The following TENM3 variants were observed in gnomAD, a reference collection of about 807,000 sequenced individuals.
TENM3 encodes teneurin-3.
In TENM3, 63 loss-of-function variants were observed where a neutral mutation model predicts 255.1. The ratio of observed to expected loss-of-function variants is 0.25; its 90% CI spans 0.20 to 0.30. TENM3 has a LOEUF of 0.30. TENM3 is among the 10% of genes least tolerant of loss of function. TENM3 has a pLI of 1.00. For missense variants in TENM3, 2,929 were observed against 3,461.1 expected (o/e 0.85, Z 3.86); for synonymous variants, 1,306 against 1,322.3 (o/e 0.99, Z 0.27).
chr4:181,972,243 A>T, the TENM3 span, among the ~76,000 whole-genome samples: 1 of 151,812 alleles, frequency 6.6e-6, no homozygotes, highest in Non-Finnish European at 1.5e-5. Flanking sequence ...GCAGCAAGAT[A>T]AAGCCCCGTC....
At chr4:182,165,926 G>C (rs1054896467) in intron 1 of TENM3, among the ~76,000 whole-genome samples, 42 of 152,214 alleles carry the variant, frequency 2.8e-4, no homozygotes, top group Non-Finnish European at 4.6e-4. Flanking sequence ...TTACAGGCGT[G>C]TGCCACCACG....
chr4:181,712,707 T>C, the TENM3 span, among the ~76,000 whole-genome samples: 1 of 152,218 alleles, frequency 6.6e-6, no homozygotes, highest in African/African-American at 2.4e-5. Flanking sequence ...CAGTTTATTA[T>C]ACCAATGTAT....
the TENM3 span, among the ~76,000 whole-genome samples, chr4:182,003,595 C>T: frequency 6.6e-6 from 1 of 151,960 alleles, no homozygotes. Context: ...ACATGCAAAA[C>T]GGACATGATA....
At chr4:182,138,028 G>A in the TENM3 span, among the ~76,000 whole-genome samples, 2 of 152,162 alleles carry the variant, frequency 1.3e-5, no homozygotes, top group African/African-American at 4.8e-5. Flanking sequence ...TTTTAGCCTA[G>A]CTGAGCTTGC....
At chr4:182,094,044 C>G in the TENM3 span, among the ~76,000 whole-genome samples, 2 of 151,996 alleles carry the variant, frequency 1.3e-5, no homozygotes, top group African/African-American at 4.8e-5. Context: ...GCCCTGGGCC[C>G]CACAGAGCAC....
chr4:182,018,597 T>G, the TENM3 span, among the ~76,000 whole-genome samples: 1 of 152,156 alleles, frequency 6.6e-6, no homozygotes, highest in Non-Finnish European at 1.5e-5. Flanking sequence ...TTATCTAGCT[T>G]AGATTAAATC....
At chr4:182,452,379 A>C (rs1332535738) in intron 3 of TENM3, among the ~76,000 whole-genome samples, 2 of 152,104 alleles carry the variant, frequency 1.3e-5, no homozygotes, top group African/African-American at 4.8e-5. Context: ...CTTCTGGGTT[A>C]GACCAGAACT....
chr4:182,402,270 G>A lies in TENM3; in HGVS notation c.511+55341G>A, dbSNP rs74816333. 9.3e-3 allele frequency among the ~76,000 whole-genome samples: 1,412 copies of A among 152,170 alleles called. 27 individuals carry two copies. The highest frequency in any genetic ancestry group is 0.032 in the African/African-American group (1,343 of 41,506). ...AAATATTTTATTCAAAACTATACGCGGAAAGACCTTTATGTTAATTATTTC... is the reference window on the plus strand; with the variant it reads ...AAATATTTTATTCAAAACTATACGCAGAAAGACCTTTATGTTAATTATTTC... On this transcript the variant is annotated intron_variant, in intron 3 of 27. Coordinates refer to ENST00000511685, the MANE Select transcript of TENM3 (RefSeq NM_001080477.4).
chr4:181,799,022 C>T, the TENM3 span, among the ~76,000 whole-genome samples: 2 of 152,124 alleles, frequency 1.3e-5, no homozygotes, highest in Non-Finnish European at 2.9e-5. Context: ...TGTAGACGGC[C>T]GCTTATGCAC....
chr4:181,695,151 CAA>C, the TENM3 span, among the ~76,000 whole-genome samples: 1 of 152,112 alleles, frequency 6.6e-6, no homozygotes, highest in Non-Finnish European at 1.5e-5. Flanking sequence ...ATTTGCCTAA[CAA>C]ATAATTTTGC....
the TENM3 span, among the ~76,000 whole-genome samples, chr4:181,613,231 T>C: frequency 6.6e-6 from 1 of 152,182 alleles, no homozygotes; most frequent in Non-Finnish European, 1.5e-5. Context: ...AGGGGAGACA[T>C]CTCCTTCTCC....
intron 12 of TENM3, among the ~76,000 whole-genome samples, chr4:182,709,117 G>A (rs1561140438): frequency 1.3e-5 from 2 of 151,642 alleles, no homozygotes; most frequent in African/African-American, 2.4e-5. Context: ...CAAGTAGCTG[G>A]GACTACAGGC....
intron 6 of TENM3, among the ~76,000 whole-genome samples, chr4:182,671,173 C>T (rs191031084): frequency 5.3e-5 from 8 of 152,274 alleles, no homozygotes; most frequent in Admixed American, 3.9e-4. Context: ...TGCACCAAAC[C>T]TCATGGAATC....
the TENM3 span, among the ~76,000 whole-genome samples, chr4:181,671,941 A>G: frequency 1.3e-5 from 2 of 152,124 alleles, no homozygotes; most frequent in African/African-American, 4.8e-5. Context: ...ACTGACTAGG[A>G]ATAGGATTAT....
the TENM3 span, among the ~76,000 whole-genome samples, chr4:181,725,330 G>A: frequency 4.0e-5 from 6 of 151,880 alleles, no homozygotes; most frequent in Non-Finnish European, 7.4e-5. Context: ...TCCCTGCAAC[G>A]TGGTTTATGT....
chr4:181,659,796 G>T, the TENM3 span, among the ~76,000 whole-genome samples: 2 of 152,154 alleles, frequency 1.3e-5, no homozygotes, highest in African/African-American at 4.8e-5. Flanking sequence ...ATGGTGTGTT[G>T]TCTGGGTAAA....
At chr4:182,072,659 C>T in the TENM3 span, among the ~76,000 whole-genome samples, 101 of 152,284 alleles carry the variant, frequency 6.6e-4, no homozygotes, top group African/African-American at 1.7e-3. Flanking sequence ...TCTCATCAAA[C>T]GTATCATGAG....
chr4:181,837,392 G>A, the TENM3 span, among the ~76,000 whole-genome samples: 1 of 152,052 alleles, frequency 6.6e-6, no homozygotes, highest in Admixed American at 6.5e-5. Context: ...CATTATGAAT[G>A]AATATTACAT....
the TENM3 span, among the ~76,000 whole-genome samples, chr4:181,751,415 G>GAAA: frequency 5.2e-3 from 592 of 114,666 alleles, 5 homozygotes; most frequent in African/African-American, 0.018. Flanking sequence ...CCTTCCAAAG[G>GAAA]AAAAAAAAAA....
Sources: allele counts gnomAD v4.1 joint callset (sites outside exome capture counted in the v4.1 genomes callset), GRCh38; gene constraint gnomAD v4.1.1; transcripts MANE v1.5; gene names NCBI Gene and HGNC (gene_info 2026-07-23, HGNC 2026-07-21).